Variants in MMRN1 observed in about 807,000 individuals in gnomAD.
MMRN1 encodes multimerin 1.
A neutral mutation model predicts 100.7 loss-of-function variants in MMRN1; 94 were observed. The ratio of observed to expected loss-of-function variants is 0.93; its 90% CI spans 0.79 to 1.11. The LOEUF is 1.11. Among genes scored for constraint, MMRN1 ranks in the 50% least tolerant of loss-of-function variants. The pLI, the probability that MMRN1 is intolerant of heterozygous loss-of-function variation, is 0.00. For missense variants in MMRN1, 1,606 were observed against 1,439.1 expected, an observed-to-expected ratio of 1.12 and a Z score of -1.88; for synonymous variants, 575 against 505.0, an observed-to-expected ratio of 1.14 and a Z score of -1.86.
chr4:89,888,945 A>G lies in MMRN1; in HGVS notation c.-248-5779A>G, dbSNP rs143368439. 2.9e-4 allele frequency among the ~76,000 whole-genome samples: 44 copies of G among 152,152 alleles called. No individual in the cohort carries two copies. The East Asian group carries it at 7.9e-3, about 27-fold the overall frequency. ...TTTTTTTAGGGTTTCTCTCTTGACC[A>G]TGAATTACATTTTCTTATTTTTTAT... On this transcript the variant is annotated intron_variant, in intron 1 of 8. Transcript: ENST00000394980.
At position 89,927,913 on chromosome 4, in the gene MMRN1, C is replaced by T. The variant is rs779169435; in HGVS notation, c.1074C>T (p.Ser358=). Residue 358 remains serine (S), a synonymous_variant, in exon 5 of 8, where the codon TCC becomes TCT. Coordinates refer to ENST00000264790, the MANE Select transcript of MMRN1 (RefSeq NM_007351.3). ...ATGATGTAAGGAACACTTACTCCTCCCTAGAAGGAAAAGTCAGCGAAGATA... is the reference window on the plus strand; with the variant it reads ...ATGATGTAAGGAACACTTACTCCTCTCTAGAAGGAAAAGTCAGCGAAGATA... ...TVNDVRNTYS[S]LEGKVSEDKS... The T allele has an allele frequency of 4.4e-6, 7 of 1,608,692 alleles. No individual in the cohort carries two copies. In the South Asian group the frequency reaches 7.8e-5, roughly 18 times the overall value.
At chr4:89,893,991 C>T (rs1560578085), upstream of MMRN1, among the ~76,000 whole-genome samples, 1 of 152,218 alleles carries the variant, frequency 6.6e-6, no homozygotes, top group East Asian at 1.9e-4. Flanking sequence ...ATCTGGTTCT[C>T]TGCTACCTAC....
chr4:89,914,541 A>T (rs1372496383), intron 3 of MMRN1, among the ~76,000 whole-genome samples: 2 of 151,444 alleles, frequency 1.3e-5, no homozygotes, highest in Admixed American at 6.6e-5. Context: ...TATTGGGGGA[A>T]AAAAGGAGTA....
chr4:89,900,558 T>A (rs761230239), intron 1 of MMRN1, among the ~76,000 whole-genome samples: 7 of 152,106 alleles, frequency 4.6e-5, no homozygotes, highest in Non-Finnish European at 7.4e-5. Flanking sequence ...TATTTGAAAT[T>A]ATTCTACTTA....
chr4:89,948,589 T>G (rs963455527), intron 6 of MMRN1, among the ~76,000 whole-genome samples: 12 of 152,352 alleles, frequency 7.9e-5, no homozygotes, highest in African/African-American at 2.9e-4. Context: ...ATGCTTGTGT[T>G]ATCTTGACAG....
rs750049928 is a variant in MMRN1, at chr4:89,895,167, G to A, written c.196G>A (p.Ala66Thr). 1 of 1,613,844 alleles carries A rather than the reference G, an allele frequency of 6.2e-7. No homozygotes were observed. Among genetic ancestry groups the A allele is most frequent in the Non-Finnish European group, 8.5e-7 (1 of 1,179,910 alleles). Reference protein sequence around the residue: ...PTTRVMSAEIATTPEARTSED... With the variant: ...PTTRVMSAEITTTPEARTSED... The stretch of plus-strand genomic sequence containing the variant: ...CACTCGGGTCATGTCGGCGGAGATA[G>A]CTACAACTCCAGAGGCAAGAACTTC... The change falls in exon 1 of 8, where the codon GCT becomes ACT. Residue 66 changes from alanine to threonine, a missense_variant. Transcript: ENST00000264790.
chr4:89,927,763 T>A lies in MMRN1; in HGVS notation c.956-32T>A, dbSNP rs1382067988. On this transcript the variant is annotated intron_variant, in intron 4 of 7. Coordinates refer to ENST00000264790, the MANE Select transcript of MMRN1 (RefSeq NM_007351.3). ...CCAACTATGGGTCAAAATATATTTT[T>A]TAATGGTCTCAATTTTCTCTTCTAT... 3.8e-6 allele frequency: 6 copies of A among 1,584,850 alleles called. No homozygotes were observed. In the South Asian group the frequency reaches 7.0e-5, roughly 18 times the overall value.
chr4:89,887,328 A>G (rs1720960558), intron 1 of MMRN1, among the ~76,000 whole-genome samples: 1 of 152,078 alleles, frequency 6.6e-6, no homozygotes, highest in African/African-American at 2.4e-5. Flanking sequence ...CACCAAAAAT[A>G]CAGAATAGCC....
chr4:89,898,488 G>A (rs186424968), intron 1 of MMRN1, among the ~76,000 whole-genome samples: 49 of 151,856 alleles, frequency 3.2e-4, no homozygotes, highest in Middle Eastern at 3.4e-3. Context: ...GAAGATAAGC[G>A]TGACCAGTTC....
intron 3 of MMRN1, among the ~76,000 whole-genome samples, chr4:89,917,492 C>T (rs3775475): frequency 0.42 from 63,647 of 151,652 alleles, 14,413 homozygotes; most frequent in Non-Finnish European, 0.49. Context: ...ATTAAGAATG[C>T]ATTACTTTTT....
chr4:89,921,318 A>G (rs1027434036), intron 3 of MMRN1, among the ~76,000 whole-genome samples: 2 of 152,264 alleles, frequency 1.3e-5, no homozygotes, highest in African/African-American at 2.4e-5. Context: ...GTGGGACTCT[A>G]GAAGTTCTAC....
chr4:89,906,585 G>A (rs1273251662), intron 1 of MMRN1, among the ~76,000 whole-genome samples: 1 of 151,494 alleles, frequency 6.6e-6, no homozygotes, highest in Non-Finnish European at 1.5e-5. Context: ...TAAGCAAAAT[G>A]CTTGTCTGGG....
intron 1 of MMRN1, among the ~76,000 whole-genome samples, chr4:89,881,000 A>G (rs2110566155): frequency 6.6e-6 from 1 of 152,282 alleles, no homozygotes; most frequent in East Asian, 1.9e-4. Context: ...GATAAATGTA[A>G]TAACTATTGG....
At chr4:89,920,423 A>G (rs1453091636) in intron 3 of MMRN1, among the ~76,000 whole-genome samples, 1 of 152,168 alleles carries the variant, frequency 6.6e-6, no homozygotes, top group Non-Finnish European at 1.5e-5. Context: ...ATATGTTTCC[A>G]TGCTTAACAG....
intron 3 of MMRN1, among the ~76,000 whole-genome samples, chr4:89,920,802 G>GT (rs1349092718): frequency 6.6e-6 from 1 of 151,014 alleles, no homozygotes; most frequent in African/African-American, 2.4e-5. Flanking sequence ...CACCTGTAGA[G>GT]TTTTGTTTTT....
intron 5 of MMRN1, among the ~76,000 whole-genome samples, chr4:89,929,689 T>A (rs893414507): frequency 2.0e-5 from 3 of 152,044 alleles, no homozygotes; most frequent in Non-Finnish European, 4.4e-5. Context: ...GCATTAATAA[T>A]GAAACTCCCT....
chr4:89,940,282 A>G lies in MMRN1; in HGVS notation c.3118+3484A>G, dbSNP rs138540678. Among the ~76,000 whole-genome samples the G allele has an allele frequency of 6.3e-3, 961 of 152,108 alleles. 15 individuals are homozygous for G. Among genetic ancestry groups the G allele is most frequent in the African/African-American group, 0.022 (926 of 41,514 alleles). On this transcript the variant is annotated intron_variant, in intron 6 of 7. Transcript: ENST00000264790. ...GAGCATGTGCACCTCCTGCTTGTAA[A>G]ACCATTGGCTTTTTATTTCAACTTT...
In MMRN1 at chr4:89,929,300, G is replaced by A. The variant is rs577125307; in HGVS notation, c.1129+1332G>A. Among the ~76,000 whole-genome samples, 7 of 152,114 alleles carry A rather than the reference G, an allele frequency of 4.6e-5. No individual in the cohort carries two copies. In the East Asian group the frequency reaches 1.4e-3, roughly 29 times the overall value. ...TCTATTGATTTAAAAAAGATAAATA[G>A]GTGGATATTTAATATATCATCTACC... On this transcript the variant is annotated intron_variant, in intron 5 of 7. Coordinates refer to ENST00000264790, the MANE Select transcript of MMRN1 (RefSeq NM_007351.3).
chr4:89,945,770 T>C (rs1722968074), intron 6 of MMRN1, among the ~76,000 whole-genome samples: 1 of 152,156 alleles, frequency 6.6e-6, no homozygotes, highest in South Asian at 2.1e-4. Context: ...CTAAGATATT[T>C]GCTGAAGATT....
Sources: allele counts gnomAD v4.1 joint callset (sites outside exome capture counted in the v4.1 genomes callset), GRCh38; gene constraint gnomAD v4.1.1; transcripts MANE v1.5; gene names NCBI Gene and HGNC (gene_info 2026-07-23, HGNC 2026-07-21).